SRPRB: variants seen among roughly 807,000 people sequenced by gnomAD.
SRPRB encodes SRP receptor subunit beta, also known as signal recognition particle receptor subunit beta.
Under a neutral mutation model 31.9 loss-of-function variants are expected in SRPRB, and 20 were observed. The observed-to-expected ratio is 0.63, with a 90% CI of 0.44 to 0.91. The LOEUF is 0.91. Ranked by LOEUF, SRPRB falls within the 40% of genes least tolerant of loss-of-function variation. SRPRB has a pLI of 0.00. For missense variants in SRPRB, 321 were observed against 324.9 expected, an observed-to-expected ratio of 0.99 and a Z score of 0.09; for synonymous variants, 146 against 132.8, an observed-to-expected ratio of 1.10 and a Z score of -0.68.
intron 5 of SRPRB, 54 bp from the exon 6 acceptor site, chr3:133,816,823 TG>T (rs1559893014): frequency 2.6e-5 from 38 of 1,437,210 alleles, no homozygotes; most frequent in Non-Finnish European, 3.5e-5. Context: ...TAAGAAGTCT[TG>T]GGGAAAAAAC....
At position 133,805,895 on chromosome 3, in the gene SRPRB, G is replaced by A. The variant is rs1440253794; in HGVS notation, c.47G>A (p.Gly16Glu). 1 of 1,613,558 alleles carries A rather than the reference G, an allele frequency of 6.2e-7. No homozygotes were observed. Among genetic ancestry groups the A allele is most frequent in the South Asian group, 1.1e-5 (1 of 91,052 alleles). The part of the protein sequence containing the change: ...SRRVADGGGA[G>E]GTFQPYLDTL... ...CGGGTGGCAGATGGCGGCGGTGCCG[G>A]GGGCACCTTCCAGCCCTACCTAGAC... The change falls in exon 1 of 7, where the codon GGG (glycine) becomes GAG (glutamate). Residue 16 changes from glycine to glutamate, a missense_variant. By Grantham distance (98) the Gly-to-Glu change is moderately conservative (BLOSUM62 -2). Transcript: ENST00000678299.
chr3:133,806,868 A>C (rs994437517), intron 2 of SRPRB, among the ~76,000 whole-genome samples, 165 bp downstream of exon 2: 2 of 152,110 alleles, frequency 1.3e-5, no homozygotes, highest in African/African-American at 2.4e-5. Flanking sequence ...AGAAACCCAT[A>C]ATTGAGAAAT....
chr3:133,801,137 A>G (rs9853615), upstream of SRPRB, among the ~76,000 whole-genome samples: 51,420 of 152,048 alleles, frequency 0.34, 8,838 homozygotes, highest in Middle Eastern at 0.38. Context: ...GGTCTGAGGT[A>G]TGTTCCATTG....
rs1020763103 is a variant in SRPRB at position 133,819,859 on chromosome 3, G to A, written c.*93G>A. The A allele has an allele frequency of 7.3e-6, 8 of 1,099,798 alleles. No homozygotes were observed. The East Asian group carries it at 1.0e-4, about 14-fold the overall frequency. 68.1% of individuals were successfully genotyped at this position (1,099,798 alleles called of 1,614,324 possible). ...TGGAGTTGATGAGGAAGGGGTACAA[G>A]ATGTGGTTAGAAACATTTCTTTGTT... On this transcript the variant is annotated 3_prime_UTR_variant, in exon 7 of 7. Coordinates refer to ENST00000678299, the MANE Select transcript of SRPRB (RefSeq NM_001379313.1).
At chr3:133,805,789 G>C, upstream of SRPRB, 2 of 1,522,796 alleles carry the variant, frequency 1.3e-6, no homozygotes, top group Non-Finnish European at 8.8e-7. Context: ...TGCTCCCCGC[G>C]CCTGCGCAGA....
At chr3:133,786,945 C>T (rs902211026) in intron 1 of SRPRB, 5 of 152,176 alleles carry the variant, frequency 3.3e-5, no homozygotes, top group African/African-American at 1.2e-4. Context: ...TTGGGAAGTA[C>T]TGTCTTTTGG....
chr3:133,807,889 AT>A, intron 3 of SRPRB, 66 bp downstream of exon 3: 1 of 1,203,046 alleles, frequency 8.3e-7, no homozygotes, highest in African/African-American at 1.5e-5. Flanking sequence ...AGTTAAGGAC[AT>A]TTTTAGGATG....
chr3:133,823,598 G>C (rs1935509258), downstream of SRPRB, among the ~76,000 whole-genome samples: 1 of 152,222 alleles, frequency 6.6e-6, no homozygotes. Context: ...TGGACTTGAA[G>C]AAGAGTGAGA....
chr3:133,828,229 A>T (rs1298254930), downstream of SRPRB: 5 of 537,704 alleles, frequency 9.3e-6, no homozygotes, highest in Admixed American at 3.2e-5. Context: ...TCAGAGGCTG[A>T]TGTGTTCAAC....
chr3:133,788,106 GT>G (rs1934732713), intron 1 of SRPRB: 1 of 152,334 alleles, frequency 6.6e-6, no homozygotes, highest in African/African-American at 2.4e-5. Context: ...AGAGAATAGG[GT>G]CTGGAGGCAG....
chr3:133,794,157 C>T (rs1330787448), intron 1 of SRPRB: 2 of 152,146 alleles, frequency 1.3e-5, no homozygotes. Flanking sequence ...CATGGAGAAC[C>T]AGGATGGCCA....
upstream of SRPRB, among the ~76,000 whole-genome samples, chr3:133,803,627 G>C (rs56781958): frequency 0.027 from 4,051 of 151,102 alleles, 163 homozygotes; most frequent in African/African-American, 0.092. Context: ...GCTACTCGCT[G>C]ACACATTAGT....
chr3:133,813,700 C>G (rs1342660271), intron 4 of SRPRB, among the ~76,000 whole-genome samples: 1 of 152,098 alleles, frequency 6.6e-6, no homozygotes, highest in Non-Finnish European at 1.5e-5. Flanking sequence ...ACCAGTTATT[C>G]TCCCTCATAA....
intron 4 of SRPRB, among the ~76,000 whole-genome samples, chr3:133,813,869 G>A (rs938282733): frequency 1.3e-5 from 2 of 152,226 alleles, no homozygotes; most frequent in African/African-American, 2.4e-5. Flanking sequence ...GCTTCAATAA[G>A]TCTGGCCCAA....
chr3:133,815,559 C>A (rs763797508), intron 4 of SRPRB, 31 bp from the exon 5 acceptor site: 1 of 1,611,736 alleles, frequency 6.2e-7, no homozygotes, highest in Non-Finnish European at 8.5e-7. Context: ...TACACGTTCA[C>A]ATGCCAGTTT....
intron 6 of SRPRB, among the ~76,000 whole-genome samples, chr3:133,819,142 A>G (rs1168336197): frequency 6.6e-6 from 1 of 152,194 alleles, no homozygotes; most frequent in Non-Finnish European, 1.5e-5. Flanking sequence ...TCCATATCCA[A>G]ATAGACTCAA....
At chr3:133,828,199 CAA>C (rs1356798573), downstream of SRPRB, 5 of 576,762 alleles carry the variant, frequency 8.7e-6, no homozygotes, top group South Asian at 4.3e-5. Context: ...CATGGAAAGA[CAA>C]GAGTCAGAGC....
At chr3:133,824,047 T>C (rs952489129), downstream of SRPRB, among the ~76,000 whole-genome samples, 1 of 152,106 alleles carries the variant, frequency 6.6e-6, no homozygotes, top group African/African-American at 2.4e-5. Context: ...GTGTCCCATC[T>C]TTACCCCTTC....
rs369318517 is a variant in SRPRB, at chr3:133,807,748, G to A, written c.252G>A (p.Leu84=). The stretch of plus-strand genomic sequence containing the variant: ...CACCCATCTTGTTTTTTTTACAGTT[G>A]TTAACAGGCCTTTATAGAGACACTC... ...DSGKTLLFVR[L]LTGLYRDTQT... Residue 84 remains leucine, a splice_region_variant and synonymous_variant, in exon 3 of 7, where the codon TTG becomes TTA. Coordinates refer to ENST00000678299, the MANE Select transcript of SRPRB (RefSeq NM_001379313.1). The A allele has an allele frequency of 6.8e-6, 11 of 1,609,418 alleles. No individual in the cohort carries two copies. The African/African-American group carries it at 1.1e-4, about 16-fold the overall frequency.
Sources: gnomAD v4.1 joint callset for allele counts (sites outside exome capture counted in the v4.1 genomes callset) on GRCh38, gnomAD v4.1.1 for gene constraint, MANE v1.5 for transcripts, NCBI Gene and HGNC (gene_info 2026-07-23, HGNC 2026-07-21) for gene names.